KCNIP4: variants seen among roughly 807,000 people sequenced by gnomAD.
KCNIP4 encodes potassium voltage-gated channel interacting protein 4, also known as Kv channel-interacting protein 4.
KCNIP4 carries 12 observed loss-of-function variants against 34.0 expected under a neutral mutation model. The ratio of observed to expected loss-of-function variants is 0.35; its 90% CI spans 0.23 to 0.57. The LOEUF (loss-of-function observed/expected upper bound fraction) is 0.57, where lower values mean the gene tolerates loss of function less well. KCNIP4 is among the 20% of genes least tolerant of loss of function. KCNIP4 has a pLI of 0.83. For synonymous variants in KCNIP4, 124 were observed against 102.2 expected, an observed-to-expected ratio of 1.21 and a Z score of -1.29; for missense variants, 238 against 311.7, an observed-to-expected ratio of 0.76 and a Z score of 1.78.
intron 1 of KCNIP4, among the ~76,000 whole-genome samples, chr4:21,621,883 G>T (rs1472644870): frequency 3.9e-5 from 6 of 152,166 alleles, no homozygotes; most frequent in African/African-American, 1.4e-4. Context: ...CAATCAGAAA[G>T]AAAAGAATGA....
At chr4:21,837,543 A>AAG (rs1038037869) in intron 1 of KCNIP4, among the ~76,000 whole-genome samples, 9 of 149,580 alleles carry the variant, frequency 6.0e-5, no homozygotes, top group Non-Finnish European at 8.9e-5. Flanking sequence ...AAAAAAAAAA[A>AAG]AAAAGAAAAA....
At chr4:20,809,860 C>G (rs1403724977) in intron 3 of KCNIP4, among the ~76,000 whole-genome samples, 1 of 152,186 alleles carries the variant, frequency 6.6e-6, no homozygotes, top group Non-Finnish European at 1.5e-5. Context: ...TCTTACCTTT[C>G]TACTCCTCAG....
intron 2 of KCNIP4, among the ~76,000 whole-genome samples, chr4:20,861,446 TC>T (rs1202963945): frequency 6.6e-6 from 1 of 151,920 alleles, no homozygotes. Context: ...ACTGTGGGAG[TC>T]CTAGGCCTTC....
chr4:21,311,290 G>A (rs902894167), intron 1 of KCNIP4, among the ~76,000 whole-genome samples: 3 of 152,120 alleles, frequency 2.0e-5, no homozygotes, highest in South Asian at 2.1e-4. Context: ...TGCAATTGAG[G>A]TGGAATTCTA....
chr4:21,413,414 G>T (rs207464382), intron 1 of KCNIP4, among the ~76,000 whole-genome samples: 1 of 152,034 alleles, frequency 6.6e-6, no homozygotes, highest in Non-Finnish European at 1.5e-5. Context: ...AAACCTAATT[G>T]AGTTGAGTTT....
chr4:20,967,535 C>T (rs1734482899), intron 1 of KCNIP4, among the ~76,000 whole-genome samples: 1 of 152,186 alleles, frequency 6.6e-6, no homozygotes, highest in Admixed American at 6.5e-5. Context: ...AACTATACTA[C>T]AAGGCTACAG....
intron 1 of KCNIP4, among the ~76,000 whole-genome samples, chr4:21,816,318 A>G (rs1323516438): frequency 6.6e-6 from 1 of 152,196 alleles, no homozygotes; most frequent in Non-Finnish European, 1.5e-5. Context: ...ATATCTATGG[A>G]CATGTGATTA....
chr4:21,011,496 C>A (rs1202389356), intron 1 of KCNIP4, among the ~76,000 whole-genome samples: 1 of 152,306 alleles, frequency 6.6e-6, no homozygotes, highest in Non-Finnish European at 1.5e-5. Flanking sequence ...ATTTCAACAG[C>A]TTTGCATATC....
At position 21,626,802 on chromosome 4, in the gene KCNIP4, C is replaced by T. The variant is rs533937267; in HGVS notation, c.61+321769G>A. Among the ~76,000 whole-genome samples, 3 of 152,162 alleles carry T rather than the reference C, an allele frequency of 2.0e-5. No individual in the cohort carries two copies. In the South Asian group the frequency reaches 6.2e-4, roughly 32 times the overall value. On this transcript the variant is annotated intron_variant, in intron 1 of 8. Transcript: ENST00000382152. ...TCTTTTTTCCCATTGAACGACAGAT[C>T]GTTTCTCCACATGATTGGCTGCACC...
chr4:21,646,055 C>T (rs1446343890), intron 1 of KCNIP4, among the ~76,000 whole-genome samples: 3 of 152,162 alleles, frequency 2.0e-5, no homozygotes, highest in African/African-American at 7.2e-5. Flanking sequence ...TACAGTCCTA[C>T]CAAGTTGTCT....
intron 8 of KCNIP4, chr4:20,731,768 T>C (rs1384980708): frequency 1.0e-6 from 1 of 985,310 alleles, no homozygotes. Flanking sequence ...ACACAGTACA[T>C]GTACAACTTT....
chr4:20,994,793 A>G (rs186910553), intron 1 of KCNIP4, among the ~76,000 whole-genome samples: 2 of 152,294 alleles, frequency 1.3e-5, no homozygotes, highest in African/African-American at 4.8e-5. Flanking sequence ...ACCAAAAATG[A>G]ACTAAACTCT....
chr4:21,606,384 A>C (rs1743671921), intron 1 of KCNIP4, among the ~76,000 whole-genome samples: 1 of 152,162 alleles, frequency 6.6e-6, no homozygotes, highest in African/African-American at 2.4e-5. Context: ...TAGTCAGCAG[A>C]GTCATTACTT....
intron 4 of KCNIP4, among the ~76,000 whole-genome samples, chr4:20,758,596 C>A (rs1754680107): frequency 6.6e-6 from 1 of 152,096 alleles, no homozygotes. Context: ...ACTGGGCACA[C>A]AGTAATAGTT....
intron 1 of KCNIP4, among the ~76,000 whole-genome samples, chr4:21,116,486 G>A (rs1373157395): frequency 6.6e-6 from 1 of 152,130 alleles, no homozygotes. Flanking sequence ...TATGGCTTCT[G>A]CCACTAACAG....
intron 5 of KCNIP4, among the ~76,000 whole-genome samples, chr4:20,738,357 T>G (rs1750210182): frequency 6.6e-6 from 1 of 152,130 alleles, no homozygotes; most frequent in Non-Finnish European, 1.5e-5. Flanking sequence ...GAGTATTGGT[T>G]CTCAAAATAT....
intron 1 of KCNIP4, among the ~76,000 whole-genome samples, chr4:20,973,976 A>C (rs1390011833): frequency 6.6e-6 from 1 of 152,218 alleles, no homozygotes; most frequent in Non-Finnish European, 1.5e-5. Flanking sequence ...TATAATAATA[A>C]CGAAAATGTT....
At chr4:21,327,763 A>G (rs1056167663) in intron 1 of KCNIP4, among the ~76,000 whole-genome samples, 6 of 151,814 alleles carry the variant, frequency 4.0e-5, no homozygotes, top group Non-Finnish European at 8.8e-5. Flanking sequence ...TTGTCCTATG[A>G]CTGAATATTT....
At chr4:21,550,184 T>C (rs1300482901) in intron 1 of KCNIP4, among the ~76,000 whole-genome samples, 1 of 152,090 alleles carries the variant, frequency 6.6e-6, no homozygotes, top group Admixed American at 6.6e-5. Context: ...CATTGGCAGG[T>C]CTTCAAGGTC....
Sources: allele counts gnomAD v4.1 joint callset (sites outside exome capture counted in the v4.1 genomes callset), GRCh38; gene constraint gnomAD v4.1.1; transcripts MANE v1.5; gene names NCBI Gene and HGNC (gene_info 2026-07-23, HGNC 2026-07-21).